The following OFD1 variants were observed in gnomAD, a reference collection of about 807,000 sequenced individuals.
The protein encoded by OFD1 is OFD1 centriole and centriolar satellite protein, also known as centriole and centriolar satellite protein OFD1.
A neutral mutation model predicts 81.4 loss-of-function variants in OFD1; 12 were observed. The observed-to-expected ratio is 0.15, with a 90% CI of 0.09 to 0.24. The LOEUF (loss-of-function observed/expected upper bound fraction) is 0.24, where lower values mean the gene tolerates loss of function less well. Among genes scored for constraint, OFD1 ranks in the 10% least tolerant of loss-of-function variants. The pLI, the probability that OFD1 is intolerant of heterozygous loss-of-function variation, is 1.00. For synonymous variants in OFD1, 256 were observed against 263.7 expected (o/e 0.97, Z 0.28); for missense variants, 685 against 733.9 (o/e 0.93, Z 0.77).
intron 12 of OFD1, among the ~76,000 whole-genome samples, chrX:13,755,808 CAT>C (rs1378917648): frequency 1.8e-5 from 2 of 111,466 alleles, no homozygotes; most frequent in African/African-American, 6.5e-5. Context: ...GTACTTACAA[CAT>C]ATTTTGTATA....
At position 13,742,744 on chromosome X, in the gene OFD1, C is replaced by T. The variant is rs992587676; in HGVS notation, c.413-1671C>T. ...TTCACCATGTTGATCAGGCTGGTCT[C>T]GATCCCCTGACCTCAGGTGATCGCC... On this transcript the variant is annotated intron_variant, in intron 5 of 22. Coordinates refer to ENST00000340096, the MANE Select transcript of OFD1 (RefSeq NM_003611.3). Among the ~76,000 whole-genome samples, 9 of 111,304 alleles carry T rather than the reference C, an allele frequency of 8.1e-5. No homozygotes were observed. In the East Asian group the frequency reaches 1.1e-3, roughly 14 times the overall value.
the OFD1 span, chrX:13,716,175 C>CAG: frequency 1.0e-6 from 1 of 976,872 alleles, no homozygotes; most frequent in Admixed American, 3.5e-5. Context: ...AAATTAGTCA[C>CAG]ATGCAGTGTA....
At chrX:13,717,874 G>A in the OFD1 span, among the ~76,000 whole-genome samples, 4 of 112,341 alleles carry the variant, frequency 3.6e-5, no homozygotes, top group Non-Finnish European at 7.5e-5. Context: ...TGTTGCAGAT[G>A]TGGTTAGCTA....
chrX:13,732,785 A>G (rs957640684), upstream of OFD1, among the ~76,000 whole-genome samples: 7 of 112,247 alleles, frequency 6.2e-5, no homozygotes, highest in Non-Finnish European at 9.4e-5. Context: ...GCAAGATAAA[A>G]CTCATGGACT....
At chrX:13,773,137 T>A (rs1272021409), downstream of OFD1, 1 of 633,787 alleles carries the variant, frequency 1.6e-6, no homozygotes, top group Non-Finnish European at 2.4e-6. Flanking sequence ...AGGTTAATTC[T>A]GTATTAATAA....
chrX:13,726,063 A>G, the OFD1 span, among the ~76,000 whole-genome samples: 1 of 112,274 alleles, frequency 8.9e-6, no homozygotes, highest in Non-Finnish European at 1.9e-5. Context: ...TAGAGAAAAA[A>G]GAATAAAAAG....
the OFD1 span, among the ~76,000 whole-genome samples, chrX:13,725,048 AG>A: frequency 8.9e-6 from 1 of 112,786 alleles, no homozygotes; most frequent in African/African-American, 3.2e-5. Context: ...TGGCTGGGGG[AG>A]GGGTGTCCGC....
At chrX:13,766,357 G>A (rs930730503) in intron 19 of OFD1, among the ~76,000 whole-genome samples, 4 of 111,640 alleles carry the variant, frequency 3.6e-5, no homozygotes, top group Non-Finnish European at 7.5e-5. Flanking sequence ...AGGACAGGGA[G>A]TGTGAACCTG....
chrX:13,771,729 C>T (rs763644937), downstream of OFD1: 1 of 112,268 alleles, frequency 8.9e-6, no homozygotes, highest in Admixed American at 9.5e-5. Flanking sequence ...TTCTGGAACA[C>T]AATAATGTAA....
In OFD1 at chrX:13,767,228, C is replaced by G. The variant is rs773811355; in HGVS notation, c.2701C>G (p.Leu901Val). Residue 901 changes from leucine to valine, a missense_variant, in exon 20 of 23, where the codon CTA becomes GTA. Transcript: ENST00000340096. ...GAGAGAAGAAAGAAGGCAGAGTAAC[C>G]TACAAGAAGTTTTAGAAAGGGAACG... ...RQREERRQSN[L>V]QEVLERERRE... is the part of the protein sequence containing the mutation. The G allele has an allele frequency of 2.5e-6, 3 of 1,209,173 alleles. No individual in the cohort carries two copies. Among genetic ancestry groups the G allele is most frequent in the African/African-American group, 3.5e-5 (2 of 57,169 alleles).
chrX:13,763,774 A>G lies in OFD1; in HGVS notation c.2518A>G (p.Met840Val). ...SAGNMPRQLE[M>V]GGLSPAGDMS... ...AGGGAACATGCCAAGGCAGTTGGAAATGGGCGGGCTTTCTCCTGCCGGGGA... is the reference window on the plus strand; with the variant it reads ...AGGGAACATGCCAAGGCAGTTGGAAGTGGGCGGGCTTTCTCCTGCCGGGGA... Residue 840 changes from methionine (M) to valine (V), a missense_variant, in exon 19 of 23, where the codon ATG becomes GTG. Around this residue, in one of 3 missense-constraint regions of OFD1, gnomAD observed 259 missense variants for 254.4 expected, o/e 1.02. Coordinates refer to ENST00000340096, the MANE Select transcript of OFD1 (RefSeq NM_003611.3). The G allele has an allele frequency of 5.8e-6, 7 of 1,211,376 alleles. 1 individual carries two copies. Among genetic ancestry groups the G allele is most frequent in the Non-Finnish European group, 7.8e-6 (7 of 895,258 alleles).
chrX:13,768,606 C>T, intron 21 of OFD1, 112 bp from the exon 22 acceptor site: 3 of 634,345 alleles, frequency 4.7e-6, no homozygotes, highest in Non-Finnish European at 7.8e-6. Flanking sequence ...TAAAAGTCAC[C>T]TCTTTTTTAG....
chrX:13,748,655 C>T (rs910644372), intron 8 of OFD1, among the ~76,000 whole-genome samples: 10 of 111,605 alleles, frequency 9.0e-5, no homozygotes, highest in Non-Finnish European at 1.7e-4. Flanking sequence ...GAAGGATGGC[C>T]CATTCTTTTA....
intron 14 of OFD1, 37 bp from the exon 15 acceptor site, chrX:13,758,300 T>C (rs2047791096): frequency 1.0e-6 from 1 of 958,430 alleles, no homozygotes; most frequent in Non-Finnish European, 1.5e-6. Context: ...GTGATTTGTT[T>C]TACATTGATT....
chrX:13,722,108 A>C, the OFD1 span: 1 of 107,414 alleles, frequency 9.3e-6, no homozygotes, highest in African/African-American at 3.4e-5. Flanking sequence ...ATTTGAACCA[A>C]GTAAACAATG....
chrX:13,768,058 T>C lies in OFD1; in HGVS notation c.2762T>C (p.Met921Thr). Residue 921 changes from methionine (M) to threonine (T), a missense_variant, in exon 21 of 23, where the codon ATG becomes ACG. Met to Thr is a moderately conservative substitution (Grantham distance 81). Around this residue, in one of 3 missense-constraint regions of OFD1, gnomAD observed 259 missense variants for 254.4 expected, o/e 1.02. Transcript: ENST00000340096. Reference sequence around the variant, plus strand: ...GTTTTGGTGCCTGTTTTATAGAAGATGATTGAAGAATCACTGAAGATTAAA... The same window carrying C: ...GTTTTGGTGCCTGTTTTATAGAAGACGATTGAAGAATCACTGAAGATTAAA... ...ELEKLYQERK[M>T]IEESLKIKIK... 1.7e-6 allele frequency: 2 copies of C among 1,171,406 alleles called. No individual in the cohort carries two copies. Among genetic ancestry groups the C allele is most frequent in the Non-Finnish European group, 2.3e-6 (2 of 858,823 alleles).
At chrX:13,721,988 C>T in the OFD1 span, 1 of 109,081 alleles carries the variant, frequency 9.2e-6, no homozygotes, top group Non-Finnish European at 1.9e-5. Flanking sequence ...GAAAAAGGTC[C>T]AAACAGAAAA....
intron 10 of OFD1, chrX:13,753,005 G>A (rs2047562381): frequency 7.8e-6 from 7 of 898,927 alleles, no homozygotes; most frequent in Non-Finnish European, 9.7e-6. Flanking sequence ...GTGACCGTCT[G>A]ATTATCATTT....
chrX:13,760,470 A>G lies in OFD1; in HGVS notation c.2010A>G (p.Pro670=), dbSNP rs772960582. ...SAKSPLAAKS[P]PSLHLLEAFK... ...AAAGCCCACTAGCAGCAAAGAGCCC[A>G]CCATCTCTGCACTTGCTGGAAGCCT... The change falls in exon 16 of 23, where the codon CCA becomes CCG. Residue 670 remains proline (P), a synonymous_variant. Coordinates refer to ENST00000340096, the MANE Select transcript of OFD1 (RefSeq NM_003611.3). The G allele has an allele frequency of 4.0e-5, 47 of 1,172,708 alleles. No homozygotes were observed. Among genetic ancestry groups the G allele is most frequent in the Non-Finnish European group, 4.9e-5 (43 of 878,811 alleles).
Sources: allele counts gnomAD v4.1 joint callset (sites outside exome capture counted in the v4.1 genomes callset), GRCh38; gene constraint gnomAD v4.1.1; regional missense constraint gnomAD v4.1.1; transcripts MANE v1.5; gene names NCBI Gene and HGNC (gene_info 2026-07-23, HGNC 2026-07-21).